PAN2: variants seen among roughly 807,000 people sequenced by gnomAD.
The protein encoded by PAN2 is poly(A) specific ribonuclease subunit PAN2.
A neutral mutation model predicts 133.3 loss-of-function variants in PAN2; 68 were observed. That is an observed-to-expected ratio of 0.51 (90% CI 0.42 to 0.62). PAN2 has a LOEUF of 0.62. Among genes scored for constraint, PAN2 ranks in the 20% least tolerant of loss-of-function variants. The probability of loss-of-function intolerance (pLI) is 0.00; values close to 1 mark genes in which losing one functional copy is unlikely to be tolerated. For synonymous variants in PAN2, 462 were observed against 544.6 expected, an observed-to-expected ratio of 0.85 and a Z score of 2.11; for missense variants, 1,042 against 1,500.5, an observed-to-expected ratio of 0.69 and a Z score of 5.05.
intron 2 of PAN2, among the ~76,000 whole-genome samples, chr12:56,332,419 T>G (rs753887201): frequency 6.6e-6 from 1 of 151,886 alleles, no homozygotes; most frequent in African/African-American, 2.4e-5. Context: ...CTGGGCAACA[T>G]AGTAAGACTA....
chr12:56,320,099 T>C (rs1874313989), intron 20 of PAN2, 78 bp from the exon 21 acceptor site: 1 of 1,382,174 alleles, frequency 7.2e-7, no homozygotes, highest in Admixed American at 1.8e-5. Context: ...TGGCTGATCA[T>C]CGACTCTGGG....
chr12:56,333,183 G>A lies in PAN2; in HGVS notation c.-89C>T, dbSNP rs545167417. 4.4e-6 allele frequency: 6 copies of A among 1,370,502 alleles called. No homozygotes were observed. The highest frequency in any genetic ancestry group is 2.3e-5 in the East Asian group (1 of 43,082). 84.9% of individuals were successfully genotyped at this position (1,370,502 alleles called of 1,614,324 possible). On this transcript the variant is annotated 5_prime_UTR_variant, in exon 2 of 26. Coordinates refer to ENST00000440411, the MANE Select transcript of PAN2 (RefSeq NM_014871.6). ...ACCCAACCTTCAGCAAGACAGCACCGATGGGCCTAGAATGGACATCCTGGC... is the reference window on the plus strand; with the variant it reads ...ACCCAACCTTCAGCAAGACAGCACCAATGGGCCTAGAATGGACATCCTGGC...
Position 56,319,765 on chromosome 12 carries a change from C to A in PAN2, c.2947-1G>T. ...CATCACTGCGTAACTCTGCTTCCTCCTACATGAGAAGAGTTAATAAGGAAA... is the reference window on the plus strand; with the variant it reads ...CATCACTGCGTAACTCTGCTTCCTCATACATGAGAAGAGTTAATAAGGAAA... On this transcript the variant is annotated splice_acceptor_variant, in intron 21 of 25. Transcript: ENST00000440411. LOFTEE classifies it high-confidence loss of function. This position sits in a 1 kb window ranked among gnomAD's most constrained non-coding sequence, Gnocchi z 5.4. The A allele has an allele frequency of 6.2e-7, 1 of 1,612,534 alleles. No homozygotes were observed. The highest frequency in any genetic ancestry group is 1.1e-5 in the South Asian group (1 of 90,832).
chr12:56,324,297 C>T lies in PAN2; in HGVS notation c.1925G>A (p.Gly642Asp). 6.2e-7 allele frequency: 1 copy of T among 1,613,414 alleles called. No individual in the cohort carries two copies. The highest frequency in any genetic ancestry group is 1.1e-5 in the South Asian group (1 of 91,082). The change falls in exon 12 of 26, where the codon GGC becomes GAC. Residue 642 changes from glycine (G) to aspartate (D), a missense_variant. Gly to Asp is a moderately conservative substitution (Grantham distance 94). Coordinates refer to ENST00000440411, the MANE Select transcript of PAN2 (RefSeq NM_014871.6). ...EIPQAYRGAG[G>D]SSFCSSGDSV... is the part of the protein sequence containing the mutation. ...TATTTCTATCCTGATTTCATACCTG[C>T]CTCCAGCACCTCGATAAGCCTGTGG...
chr12:56,328,401 C>G (rs1255673520), intron 3 of PAN2, 43 bp from the exon 4 acceptor site: 1 of 1,597,462 alleles, frequency 6.3e-7, no homozygotes, highest in Non-Finnish European at 8.5e-7. Context: ...GCCTTACAAG[C>G]TGCCAATCCC....
intron 8 of PAN2, among the ~76,000 whole-genome samples, chr12:56,325,966 A>C (rs968687023): frequency 4.6e-5 from 7 of 152,218 alleles, no homozygotes; most frequent in Admixed American, 2.0e-4. Context: ...TTTCCAGCTT[A>C]ATACCCAGCT....
In PAN2 at chr12:56,333,161, CA is replaced by C; in HGVS notation, c.-68del. ...CCACAGTCCCTTTAGATGCCTGACC[CA>C]ACCTTCAGCAAGACAGCACCGATGG... On this transcript the variant is annotated 5_prime_UTR_variant, in exon 2 of 26. Transcript: ENST00000440411. 6.6e-7 allele frequency: 1 copy of C among 1,521,414 alleles called. No homozygotes were observed. Among genetic ancestry groups the C allele is most frequent in the Non-Finnish European group, 9.0e-7 (1 of 1,106,716 alleles). The allele number at this position is 1,521,414 out of a possible 1,614,324, so 94.2% of individuals were successfully genotyped here.
chr12:56,325,567 G>T, intron 8 of PAN2, 113 bp from the exon 9 acceptor site: 1 of 1,090,836 alleles, frequency 9.2e-7, no homozygotes, highest in Non-Finnish European at 1.3e-6. Flanking sequence ...TATATTCATA[G>T]CACTCTCAGC....
At chr12:56,329,747 CA>C (rs1483826735) in intron 2 of PAN2, among the ~76,000 whole-genome samples, 4 of 151,614 alleles carry the variant, frequency 2.6e-5, no homozygotes, top group South Asian at 4.2e-4. Context: ...AGTTTGACAC[CA>C]GCCTGGCCAA....
Position 56,319,811 on chromosome 12 carries a change from C to G in PAN2, c.2947-47G>C, listed in dbSNP as rs76141417. The G allele has an allele frequency of 0.015, 24,108 of 1,613,216 alleles. 231 individuals carry two copies. The highest frequency in any genetic ancestry group is 0.017 in the Non-Finnish European group (19,855 of 1,179,436). Reference sequence around the variant, plus strand: ...GGAAATCAGAGAAATGCTTACAACTCCTAATATCCTCAGCGTTCTCTTCCA... The same window carrying G: ...GGAAATCAGAGAAATGCTTACAACTGCTAATATCCTCAGCGTTCTCTTCCA... On this transcript the variant is annotated intron_variant, in intron 21 of 25. Transcript: ENST00000440411. The surrounding 1 kb of genome is among the most constrained non-coding windows in gnomAD (Gnocchi z 5.4).
chr12:56,327,082 A>G (rs1311857567), intron 6 of PAN2, 123 bp from the exon 7 acceptor site: 11 of 841,580 alleles, frequency 1.3e-5, no homozygotes, highest in Non-Finnish European at 2.0e-5. Flanking sequence ...GCCTAGAGAC[A>G]GAATGCCACT....
In PAN2 at chr12:56,326,691, G is replaced by C. The variant is rs747519935; in HGVS notation, c.1188C>G (p.Ser396=). 9.3e-6 allele frequency: 15 copies of C among 1,614,084 alleles called. No homozygotes were observed. The highest frequency in any genetic ancestry group is 1.3e-5 in the Non-Finnish European group (15 of 1,179,986). Residue 396 remains serine (S), a synonymous_variant, in exon 7 of 26, where the codon TCC becomes TCG. Transcript: ENST00000440411. ...LDWSQDLLPL[S]LIPVPLTTDT... ...CAGTGGTGAGTGGGACAGGGATGAG[G>C]GAAAGAGGCAGCAGGTCCTGGCTCC...
intron 5 of PAN2, 83 bp downstream of exon 5, chr12:56,327,912 C>A: frequency 6.3e-7 from 1 of 1,590,172 alleles, no homozygotes; most frequent in East Asian, 2.3e-5. Context: ...CAACTACACC[C>A]CAGAGTTAAG....
Position 56,333,190 on chromosome 12 carries a change from C to A in PAN2, c.-96G>T. ...CTTCAGCAAGACAGCACCGATGGGCCTAGAATGGACATCCTGGCCTGTAAG... is the reference window on the plus strand; with the variant it reads ...CTTCAGCAAGACAGCACCGATGGGCATAGAATGGACATCCTGGCCTGTAAG... On this transcript the variant is annotated 5_prime_UTR_variant, in exon 2 of 26. In the 5' UTR this introduces an upstream ATG that the reference lacks. Coordinates refer to ENST00000440411, the MANE Select transcript of PAN2 (RefSeq NM_014871.6). 1 of 1,288,802 alleles carries A rather than the reference C, an allele frequency of 7.8e-7. No individual in the cohort carries two copies. Among genetic ancestry groups the A allele is most frequent in the East Asian group, 2.4e-5 (1 of 42,370 alleles). The allele number at this position is 1,288,802 out of a possible 1,614,324, so 79.8% of individuals were successfully genotyped here.
At chr12:56,320,528 C>T (rs1438925868) in intron 20 of PAN2, among the ~76,000 whole-genome samples, 3 of 152,066 alleles carry the variant, frequency 2.0e-5, no homozygotes, top group Non-Finnish European at 2.9e-5. Context: ...CCTGTAATCC[C>T]AGCTACTTGG....
intron 19 of PAN2, 114 bp downstream of exon 19, chr12:56,322,309 G>T: frequency 9.2e-7 from 1 of 1,086,068 alleles, no homozygotes; most frequent in Non-Finnish European, 1.4e-6. Context: ...TTTTATTCCT[G>T]AGGATTCCTT....
chr12:56,318,701 A>G, intron 24 of PAN2: 1 of 449,680 alleles, frequency 2.2e-6, no homozygotes, highest in East Asian at 3.9e-5. Context: ...TTTATTTTTT[A>G]TATTTAAATT....
chr12:56,329,546 G>A (rs1444185034), intron 2 of PAN2, among the ~76,000 whole-genome samples: 2 of 151,728 alleles, frequency 1.3e-5, no homozygotes, highest in Admixed American at 6.6e-5. Context: ...GGCCAGGCTG[G>A]TTTCGAACTC....
intron 2 of PAN2, among the ~76,000 whole-genome samples, chr12:56,332,096 ATAAC>A (rs1222349440): frequency 6.6e-6 from 1 of 152,204 alleles, no homozygotes; most frequent in African/African-American, 2.4e-5. Context: ...ATTAAGATTG[ATAAC>A]TGCTCTGAGA....
Sources: gnomAD v4.1 joint callset for allele counts (sites outside exome capture counted in the v4.1 genomes callset) on GRCh38, gnomAD v4.1.1 for gene constraint, Gnocchi (gnomAD v3.1) non-coding constraint, MANE v1.5 for transcripts, NCBI Gene and HGNC (gene_info 2026-07-23, HGNC 2026-07-21) for gene names.